Variants in TCF20 observed in about 807,000 individuals in gnomAD.
The protein encoded by TCF20 is transcription factor 20.
In TCF20, 3 loss-of-function variants were observed where a neutral mutation model predicts 148.6. The observed-to-expected ratio is 0.02, with a 90% CI of 0.01 to 0.05. The LOEUF is 0.05. Among genes scored for constraint, TCF20 ranks in the 10% least tolerant of loss-of-function variants. The pLI is 1.00. For missense variants in TCF20, 2,350 were observed against 2,429.3 expected, an observed-to-expected ratio of 0.97 and a Z score of 0.69; for synonymous variants, 1,049 against 909.5, an observed-to-expected ratio of 1.15 and a Z score of -2.76.
At chr22:42,164,867 G>A (rs1447217909) in intron 5 of TCF20, among the ~76,000 whole-genome samples, 1 of 152,214 alleles carries the variant, frequency 6.6e-6, no homozygotes, top group African/African-American at 2.4e-5. Flanking sequence ...GTGTGCAGAA[G>A]CCCAGAGGAA....
At chr22:42,198,681 T>TTG (rs1937757671) in intron 2 of TCF20, among the ~76,000 whole-genome samples, 1 of 151,838 alleles carries the variant, frequency 6.6e-6, no homozygotes, top group Non-Finnish European at 1.5e-5. Flanking sequence ...TTTTTTTTTT[T>TTG]GAGACAGTCT....
upstream of TCF20, among the ~76,000 whole-genome samples, chr22:42,272,810 G>A (rs916665135): frequency 3.9e-5 from 6 of 152,166 alleles, no homozygotes; most frequent in East Asian, 3.9e-4. Context: ...CTTGGACTGC[G>A]TGGCCTTGGA....
intron 1 of TCF20, among the ~76,000 whole-genome samples, chr22:42,303,403 A>T (rs1010378646): frequency 6.6e-6 from 1 of 152,262 alleles, no homozygotes; most frequent in Admixed American, 6.5e-5. Flanking sequence ...GAAACGGCTC[A>T]TCCTAGTGGA....
chr22:42,308,919 C>A (rs569788887), intron 1 of TCF20, among the ~76,000 whole-genome samples: 1 of 152,270 alleles, frequency 6.6e-6, no homozygotes, highest in East Asian at 1.9e-4. Flanking sequence ...CCTTGCTAGA[C>A]CCAGGCGTGG....
intron 1 of TCF20, among the ~76,000 whole-genome samples, chr22:42,334,488 A>G (rs1928031909): frequency 6.6e-6 from 1 of 152,332 alleles, no homozygotes; most frequent in Admixed American, 6.5e-5. Context: ...CAGTCAGTCA[A>G]CAAACAGCAA....
chr22:42,312,960 G>A (rs1927562805), intron 1 of TCF20, among the ~76,000 whole-genome samples: 1 of 152,170 alleles, frequency 6.6e-6, no homozygotes, highest in African/African-American at 2.4e-5. Context: ...CTCCAGTACT[G>A]GGGGTGGCTC....
intron 1 of TCF20, among the ~76,000 whole-genome samples, chr22:42,255,659 A>G (rs755197646): frequency 6.6e-6 from 1 of 152,186 alleles, no homozygotes; most frequent in Non-Finnish European, 1.5e-5. Flanking sequence ...GCTAAATTTT[A>G]CAGATCCTTC....
Position 42,279,433 on chromosome 22 carries a change from C to T in TCF20, c.-37+4394G>A, listed in dbSNP as rs1270758989. ...CAGAGGTTGCAGTGAGCAGAGATTG[C>T]GCCACTGCACTCCAGTCTGGGCAAC... On this transcript the variant is annotated intron_variant, in intron 1 of 5. Coordinates refer to the TCF20 transcript ENST00000359486. This position sits in a 1 kb window ranked among gnomAD's most constrained non-coding sequence, Gnocchi z 4.3. Among the ~76,000 whole-genome samples the T allele has an allele frequency of 4.6e-5, 7 of 152,172 alleles. No individual in the cohort carries two copies. In the East Asian group the frequency reaches 7.7e-4, roughly 17 times the overall value.
chr22:42,200,170 T>C (rs1937903574), intron 2 of TCF20, among the ~76,000 whole-genome samples: 1 of 152,216 alleles, frequency 6.6e-6, no homozygotes, highest in Non-Finnish European at 1.5e-5. Flanking sequence ...TCTAATATTT[T>C]CTTGTCTAAT....
intron 5 of TCF20, among the ~76,000 whole-genome samples, chr22:42,164,420 G>GTAT (rs1412724121): frequency 6.6e-6 from 1 of 151,880 alleles, no homozygotes; most frequent in African/African-American, 2.4e-5. Context: ...TTAATTTTTT[G>GTAT]TATTTTTGTA....
chr22:42,245,413 C>G (rs1924823292), intron 1 of TCF20, among the ~76,000 whole-genome samples: 1 of 152,090 alleles, frequency 6.6e-6, no homozygotes, highest in Non-Finnish European at 1.5e-5. Context: ...TCATCTCGGC[C>G]CTGCAAAAAC....
intron 1 of TCF20, among the ~76,000 whole-genome samples, chr22:42,251,934 T>C (rs972031499): frequency 1.3e-5 from 2 of 152,150 alleles, no homozygotes; most frequent in East Asian, 1.9e-4. Flanking sequence ...CCAGGCGCAG[T>C]GGCTCATGCC....
rs1467365356 is a variant in TCF20, at chr22:42,317,250, T to C, written c.-37+26229A>G. ...CATTTAGCCACAGAGCACTCCCAGC[T>C]TGAATGTCGGAGGTTCAGCCAAGAG... On this transcript the variant is annotated intron_variant, in intron 1 of 1. Coordinates refer to the TCF20 transcript ENST00000515426. This position sits in a 1 kb window ranked among gnomAD's most constrained non-coding sequence, Gnocchi z 4.2. Among the ~76,000 whole-genome samples the C allele has an allele frequency of 6.6e-6, 1 of 152,122 alleles. No homozygotes were observed. Among genetic ancestry groups the C allele is most frequent in the Admixed American group, 6.5e-5 (1 of 15,278 alleles).
intron 3 of TCF20, among the ~76,000 whole-genome samples, chr22:42,171,235 G>T (rs1007754183): frequency 2.0e-5 from 3 of 152,114 alleles, no homozygotes; most frequent in African/African-American, 7.2e-5. Context: ...TGCAAAACGC[G>T]GTGGCAGAAT....
At chr22:42,235,132 ACT>A (rs1204017419) in intron 1 of TCF20, among the ~76,000 whole-genome samples, 1 of 134,498 alleles carries the variant, frequency 7.4e-6, no homozygotes. Flanking sequence ...ACAGAATGAG[ACT>A]CTGTCTCAAA....
chr22:42,260,775 C>T (rs759599492), intron 1 of TCF20, among the ~76,000 whole-genome samples: 1 of 152,140 alleles, frequency 6.6e-6, no homozygotes, highest in Non-Finnish European at 1.5e-5. Flanking sequence ...TGAGCCACCA[C>T]GACTGGCCCA....
At chr22:42,178,827 C>G (rs1043350278) in intron 3 of TCF20, among the ~76,000 whole-genome samples, 6 of 151,122 alleles carry the variant, frequency 4.0e-5, no homozygotes, top group Admixed American at 3.3e-4. Flanking sequence ...ATCCACCCGC[C>G]CGGCCTACAA....
chr22:42,181,588 T>TC (rs951310122), intron 2 of TCF20, among the ~76,000 whole-genome samples: 2 of 141,350 alleles, frequency 1.4e-5, no homozygotes, highest in South Asian at 2.2e-4. Flanking sequence ...CATTTTGCAC[T>TC]CCCCCCAACC....
rs970484229 is a variant in TCF20 at position 42,168,613 on chromosome 22, G to A, written c.*40C>T. ...AGCCCGGTGGCCCCGACTCACCTGTGCTTGCTGTCCTTTCCATTCCCACGA... is the reference window on the plus strand; with the variant it reads ...AGCCCGGTGGCCCCGACTCACCTGTACTTGCTGTCCTTTCCATTCCCACGA... On this transcript the variant is annotated 3_prime_UTR_variant, in exon 5 of 6. Coordinates refer to ENST00000677622, the MANE Select transcript of TCF20 (RefSeq NM_001378418.1). 6.4e-7 allele frequency: 1 copy of A among 1,570,918 alleles called. No homozygotes were observed. Among genetic ancestry groups the A allele is most frequent in the Admixed American group, 1.8e-5 (1 of 55,768 alleles).
Sources: gnomAD v4.1 joint callset for allele counts (sites outside exome capture counted in the v4.1 genomes callset) on GRCh38, gnomAD v4.1.1 for gene constraint, Gnocchi (gnomAD v3.1) non-coding constraint, MANE v1.5 for transcripts, NCBI Gene and HGNC (gene_info 2026-07-23, HGNC 2026-07-21) for gene names.